The following PLCB4 variants were observed in gnomAD, a reference collection of about 807,000 sequenced individuals.
PLCB4 encodes 1-phosphatidylinositol 4,5-bisphosphate phosphodiesterase beta-4.
A neutral mutation model predicts 178.8 loss-of-function variants in PLCB4; 77 were observed. The observed-to-expected ratio is 0.43, with a 90% CI of 0.36 to 0.52. PLCB4 has a LOEUF of 0.52. Among genes scored for constraint, PLCB4 ranks in the 20% least tolerant of loss-of-function variants. The pLI is 0.00. For missense variants in PLCB4, 1,024 were observed against 1,453.4 expected, an observed-to-expected ratio of 0.70 and a Z score of 4.80; for synonymous variants, 496 against 490.8, an observed-to-expected ratio of 1.01 and a Z score of -0.14.
chr20:9,439,475 G>A lies in PLCB4; in HGVS notation c.2764+2323G>A, dbSNP rs180882111. ...TTGATTAGAGGAGAAAGAAATAGTG[G>A]TCATTTTTGTAGTATAACACAGATA... On this transcript the variant is annotated intron_variant, in intron 30 of 39. Transcript: ENST00000378473. 2.3e-4 allele frequency among the ~76,000 whole-genome samples: 35 copies of A among 152,312 alleles called. No individual in the cohort carries two copies. In the East Asian group the frequency reaches 6.4e-3, roughly 28 times the overall value.
chr20:9,398,803 T>C (rs995547711), intron 19 of PLCB4, among the ~76,000 whole-genome samples: 6 of 152,028 alleles, frequency 3.9e-5, no homozygotes, highest in Non-Finnish European at 8.8e-5. Context: ...AAATGGGTAT[T>C]ATTACACCAA....
At chr20:9,423,602 A>G in intron 27 of PLCB4, 146 bp from the exon 28 acceptor site, 1 of 648,208 alleles carries the variant, frequency 1.5e-6, no homozygotes, top group Non-Finnish European at 2.8e-6. Flanking sequence ...CATGCAGTAC[A>G]TTTTGGGGAA....
chr20:9,444,297 G>A (rs2042278689), intron 32 of PLCB4, 54 bp downstream of exon 32: 2 of 1,066,660 alleles, frequency 1.9e-6, no homozygotes, highest in South Asian at 1.3e-5. Flanking sequence ...ATCATTTGTA[G>A]CCAAAAACAC....
chr20:9,357,574 A>T (rs2034948531), intron 7 of PLCB4, among the ~76,000 whole-genome samples: 1 of 152,178 alleles, frequency 6.6e-6, no homozygotes, highest in Non-Finnish European at 1.5e-5. Flanking sequence ...AGGTGATGGC[A>T]TTAGAGGATG....
At chr20:9,176,387 C>A (rs144176211) in intron 2 of PLCB4, among the ~76,000 whole-genome samples, 1 of 152,010 alleles carries the variant, frequency 6.6e-6, no homozygotes, top group African/African-American at 2.4e-5. Flanking sequence ...AGGTGGTAGA[C>A]GCATGATCAG....
intron 1 of PLCB4, among the ~76,000 whole-genome samples, chr20:9,089,973 C>T (rs2090603313): frequency 6.6e-6 from 1 of 152,102 alleles, no homozygotes; most frequent in African/African-American, 2.4e-5. Flanking sequence ...GGTAAGCATT[C>T]GTAAAGGAGT....
At chr20:9,169,523 A>G (rs973329850) in intron 2 of PLCB4, among the ~76,000 whole-genome samples, 1 of 151,808 alleles carries the variant, frequency 6.6e-6, no homozygotes, top group African/African-American at 2.4e-5. Context: ...CGGGAGGCAG[A>G]GGTTGCAGTA....
At chr20:9,310,822 G>A (rs759703783) in intron 4 of PLCB4, among the ~76,000 whole-genome samples, 1 of 152,160 alleles carries the variant, frequency 6.6e-6, no homozygotes, top group Non-Finnish European at 1.5e-5. Context: ...AATGTAGTAA[G>A]TGCAAATGCA....
chr20:9,338,398 A>AT (rs35273405), intron 6 of PLCB4, among the ~76,000 whole-genome samples: 10,174 of 152,138 alleles, frequency 0.067, 365 homozygotes, highest in Middle Eastern at 0.099. Flanking sequence ...TAAATCAAAA[A>AT]TTTAGGCCAG....
At chr20:9,215,559 A>G (rs1435630524) in intron 2 of PLCB4, among the ~76,000 whole-genome samples, 3 of 152,220 alleles carry the variant, frequency 2.0e-5, no homozygotes, top group African/African-American at 7.2e-5. Context: ...GATGCTGTGT[A>G]TTCCCTAATT....
At chr20:9,307,391 G>A (rs1363947109) in intron 3 of PLCB4, among the ~76,000 whole-genome samples, 1 of 151,936 alleles carries the variant, frequency 6.6e-6, no homozygotes, top group African/African-American at 2.4e-5. Context: ...TCACCTTCAA[G>A]CCCATAGTGC....
At chr20:9,472,250 T>C (rs1404362550) in intron 36 of PLCB4, among the ~76,000 whole-genome samples, 1 of 152,124 alleles carries the variant, frequency 6.6e-6, no homozygotes, top group Non-Finnish European at 1.5e-5. Context: ...CCTGGGAGCT[T>C]ACTAGAAATT....
intron 19 of PLCB4, among the ~76,000 whole-genome samples, chr20:9,396,353 A>G (rs570194211): frequency 6.6e-6 from 1 of 152,238 alleles, no homozygotes; most frequent in Non-Finnish European, 1.5e-5. Flanking sequence ...AAAGTGAACT[A>G]GAAACTAAAA....
intron 3 of PLCB4, among the ~76,000 whole-genome samples, chr20:9,240,009 C>T (rs2094040085): frequency 6.6e-6 from 1 of 152,176 alleles, no homozygotes; most frequent in Non-Finnish European, 1.5e-5. Flanking sequence ...TAGATGGTGC[C>T]TGCCCAGATT....
rs149806091 is a variant in PLCB4 at position 9,262,844 on chromosome 20, T to C, written c.-15-44956T>C. ...AGGCACTCTCTCAAGCTGCTTTAAG[T>C]GAGAAAAAGGGGAACGTATTGAAAG... On this transcript the variant is annotated intron_variant, in intron 3 of 39. Coordinates refer to ENST00000378473, the MANE Select transcript of PLCB4 (RefSeq NM_001377142.1). Among the ~76,000 whole-genome samples the C allele has an allele frequency of 4.1e-3, 625 of 152,218 alleles. 4 individuals are homozygous for C. The highest frequency in any genetic ancestry group is 0.015 in the African/African-American group (607 of 41,540).
chr20:9,235,097 A>G (rs1004998992), intron 3 of PLCB4, among the ~76,000 whole-genome samples: 3 of 152,122 alleles, frequency 2.0e-5, no homozygotes, highest in Admixed American at 6.6e-5. Flanking sequence ...TAGGATGGGT[A>G]AGAAGGAAAG....
chr20:9,477,647 C>T (rs1250435202), intron 39 of PLCB4, among the ~76,000 whole-genome samples: 1 of 152,110 alleles, frequency 6.6e-6, no homozygotes, highest in Admixed American at 6.6e-5. Context: ...TAGAGTATTA[C>T]TATACTTTAG....
chr20:9,301,360 G>A (rs972101731), intron 3 of PLCB4, among the ~76,000 whole-genome samples: 35 of 151,856 alleles, frequency 2.3e-4, no homozygotes, highest in Non-Finnish European at 3.8e-4. Context: ...CAGAACGTGA[G>A]GCACATGTCC....
rs1457820671 is a variant in PLCB4 at position 9,121,829 on chromosome 20, G to T, written c.-79+25487G>T. ...GTTTTCCAATTGCTTATATTAGGTT[G>T]ATTATATTTAATGTTTATTCCTGAC... is the stretch of plus-strand genomic sequence containing the variant. On this transcript the variant is annotated intron_variant, in intron 2 of 39. Coordinates refer to ENST00000378473, the MANE Select transcript of PLCB4 (RefSeq NM_001377142.1). Among the ~76,000 whole-genome samples the T allele has an allele frequency of 5.3e-5, 8 of 152,248 alleles. 1 individual carries two copies.
Sources: gnomAD v4.1 joint callset for allele counts (sites outside exome capture counted in the v4.1 genomes callset) on GRCh38, gnomAD v4.1.1 for gene constraint, MANE v1.5 for transcripts, NCBI Gene and HGNC (gene_info 2026-07-23, HGNC 2026-07-21) for gene names.